Variants in GRM3 observed in about 807,000 individuals in gnomAD.
The protein encoded by GRM3 is glutamate metabotropic receptor 3.
A neutral mutation model predicts 70.5 loss-of-function variants in GRM3; 26 were observed. The observed-to-expected ratio is 0.37, with a 90% CI of 0.27 to 0.51. The LOEUF (loss-of-function observed/expected upper bound fraction) is 0.51. GRM3 is among the 20% of genes least tolerant of loss of function. GRM3 has a pLI of 0.93. For missense variants in GRM3, 859 were observed against 1,123.8 expected, an observed-to-expected ratio of 0.76 and a Z score of 3.37; for synonymous variants, 443 against 434.9, an observed-to-expected ratio of 1.02 and a Z score of -0.23.
chr7:86,758,805 TG>T, intron 1 of GRM3, among the ~76,000 whole-genome samples: 1 of 152,310 alleles, frequency 6.6e-6, no homozygotes, highest in East Asian at 1.9e-4. Context: ...TTAGTTTTTT[TG>T]GTCAAGGTCG....
chr7:86,828,251 C>T (rs1040285891), intron 3 of GRM3, among the ~76,000 whole-genome samples: 5 of 151,500 alleles, frequency 3.3e-5, no homozygotes, highest in African/African-American at 1.2e-4. Flanking sequence ...AAATTAACTA[C>T]CAAAAAAATC....
At chr7:86,702,172 G>A (rs1180626674) in intron 1 of GRM3, among the ~76,000 whole-genome samples, 3 of 152,022 alleles carry the variant, frequency 2.0e-5, no homozygotes, top group Non-Finnish European at 2.9e-5. Flanking sequence ...GCTTACCTGA[G>A]TGTAAGTGTG....
At chr7:86,703,291 T>C (rs868032417) in intron 1 of GRM3, among the ~76,000 whole-genome samples, 8 of 152,094 alleles carry the variant, frequency 5.3e-5, no homozygotes, top group African/African-American at 1.9e-4. Context: ...CTCACTAAGA[T>C]CTCTTGCTTA....
chr7:86,842,040 G>T (rs539712196), intron 4 of GRM3, among the ~76,000 whole-genome samples: 61 of 152,262 alleles, frequency 4.0e-4, no homozygotes, highest in African/African-American at 1.4e-3. Flanking sequence ...CTCCAATGTA[G>T]TGGTTTTCAA....
chr7:86,656,840 T>C (rs769554075), intron 1 of GRM3, among the ~76,000 whole-genome samples: 4 of 152,140 alleles, frequency 2.6e-5, no homozygotes, highest in Non-Finnish European at 5.9e-5. Context: ...TAGGAATCAA[T>C]GTCTACAAAA....
rs911457548 is a variant in GRM3 at position 86,643,937 on chromosome 7, C to G, written c.-1076C>G. The G allele has an allele frequency of 6.6e-6, 1 of 152,580 alleles. No individual in the cohort carries two copies. Among genetic ancestry groups the G allele is most frequent in the Non-Finnish European group, 1.5e-5 (1 of 68,392 alleles). 9.5% of individuals were successfully genotyped at this position (152,580 alleles called of 1,614,324 possible). A position where few individuals can be genotyped will look rare whatever the true frequency, so the allele number is the denominator to read the frequency against. On this transcript the variant is annotated 5_prime_UTR_variant, in exon 1 of 6. Coordinates refer to ENST00000361669, the MANE Select transcript of GRM3 (RefSeq NM_000840.3). ...GTGTGCAGTTGAGTCGCGAGTACGG[C>G]TGAGCTGCGTACCGGCCTCCCTGGC...
chr7:86,769,627 G>A (rs1302047908), intron 2 of GRM3, among the ~76,000 whole-genome samples: 1 of 152,140 alleles, frequency 6.6e-6, no homozygotes, highest in Non-Finnish European at 1.5e-5. Flanking sequence ...TGCTGTGTTA[G>A]TTCATACAAT....
intron 1 of GRM3, among the ~76,000 whole-genome samples, chr7:86,743,815 A>G (rs1184812248): frequency 1.3e-5 from 2 of 152,110 alleles, no homozygotes; most frequent in Non-Finnish European, 2.9e-5. Context: ...CAAATCTATC[A>G]TGTATACACT....
chr7:86,727,542 C>G (rs1795620323), intron 1 of GRM3, among the ~76,000 whole-genome samples: 1 of 152,160 alleles, frequency 6.6e-6, no homozygotes, highest in Non-Finnish European at 1.5e-5. Context: ...ATTCACTAGA[C>G]AGTAAATTTC....
chr7:86,645,995 GGGTGGGGGGGT>G (rs1384832403), intron 1 of GRM3, among the ~76,000 whole-genome samples: 1 of 22,060 alleles, frequency 4.5e-5, no homozygotes, highest in Admixed American at 7.4e-4. Flanking sequence ...GGGGGGGTGG[GGGTGGGGGGGT>G]GGGGGGGGGT....
intron 1 of GRM3, among the ~76,000 whole-genome samples, chr7:86,665,305 A>G: frequency 6.6e-6 from 1 of 152,076 alleles, no homozygotes; most frequent in Non-Finnish European, 1.5e-5. Context: ...CCAGACTTCA[A>G]TATACTATCT....
intron 3 of GRM3, among the ~76,000 whole-genome samples, chr7:86,798,050 G>A (rs1370016503): frequency 6.6e-6 from 1 of 152,250 alleles, no homozygotes; most frequent in Non-Finnish European, 1.5e-5. Flanking sequence ...TTCAGAGGAT[G>A]TATGGAAACA....
At chr7:86,691,160 C>T (rs1373686034) in intron 1 of GRM3, among the ~76,000 whole-genome samples, 5 of 152,132 alleles carry the variant, frequency 3.3e-5, no homozygotes, top group African/African-American at 1.2e-4. Flanking sequence ...CTTATCCTTA[C>T]CTCCAAATCA....
intron 4 of GRM3, among the ~76,000 whole-genome samples, chr7:86,845,100 G>C (rs567587229): frequency 5.8e-4 from 89 of 152,154 alleles, no homozygotes; most frequent in Non-Finnish European, 7.9e-4. Flanking sequence ...ATGTTGGCCA[G>C]GCTGGTCTCA....
chr7:86,765,416 T>C lies in GRM3; in HGVS notation c.271T>C (p.Leu91=). Residue 91 remains leucine (L), a synonymous_variant, in exon 2 of 6, where the codon TTG becomes CTG. Transcript: ENST00000361669. ...KDDYLLPGVK[L]GVHILDTCSR... ...TGATTACTTGCTACCAGGAGTGAAG[T>C]TGGGTGTTCACATTTTGGATACATG... 8 of 1,613,878 alleles carry C rather than the reference T, an allele frequency of 5.0e-6. No individual in the cohort carries two copies. Among genetic ancestry groups the C allele is most frequent in the Middle Eastern group, 1.7e-4 (1 of 6,060 alleles).
chr7:86,688,933 G>A (rs537134436), intron 1 of GRM3, among the ~76,000 whole-genome samples: 1 of 147,988 alleles, frequency 6.8e-6, no homozygotes, highest in South Asian at 2.1e-4. Context: ...TTCTTTCCAA[G>A]GCTCTGGTGT....
intron 3 of GRM3, among the ~76,000 whole-genome samples, chr7:86,820,578 TATG>T (rs890803504): frequency 6.6e-6 from 1 of 152,150 alleles, no homozygotes; most frequent in African/African-American, 2.4e-5. Flanking sequence ...TTTAGAGTGT[TATG>T]ATAATATTTA....
At chr7:86,678,550 T>C (rs113401162) in intron 1 of GRM3, among the ~76,000 whole-genome samples, 3 of 152,052 alleles carry the variant, frequency 2.0e-5, no homozygotes, top group East Asian at 3.9e-4. Flanking sequence ...AATGATTTTA[T>C]GTCTCTAAGC....
chr7:86,830,979 C>T (rs570968904), intron 3 of GRM3, among the ~76,000 whole-genome samples: 98 of 152,206 alleles, frequency 6.4e-4, no homozygotes, highest in African/African-American at 2.1e-3. Context: ...CGAAGATTGC[C>T]GGCATACCAC....
Sources: gnomAD v4.1 joint callset for allele counts (sites outside exome capture counted in the v4.1 genomes callset) on GRCh38, gnomAD v4.1.1 for gene constraint, MANE v1.5 for transcripts, NCBI Gene and HGNC (gene_info 2026-07-23, HGNC 2026-07-21) for gene names.